Variants in PTPRN2 observed in about 807,000 individuals in gnomAD.
PTPRN2 encodes the protein protein tyrosine phosphatase receptor type N2.
A neutral mutation model predicts 118.8 loss-of-function variants in PTPRN2; 74 were observed. That is an observed-to-expected ratio of 0.62 (90% CI 0.52 to 0.76). The LOEUF is 0.76. Ranked by LOEUF, PTPRN2 falls within the 30% of genes least tolerant of loss-of-function variation. The pLI is 0.00. For synonymous variants in PTPRN2, 641 were observed against 608.0 expected (o/e 1.05, Z -0.80); for missense variants, 1,481 against 1,394.4 (o/e 1.06, Z -0.99).
chr7:158,563,290 T>C lies in PTPRN2; in HGVS notation c.112+24268A>G, dbSNP rs1827494839. On this transcript the variant is annotated intron_variant, in intron 1 of 22. Transcript: ENST00000389418. This position sits in a 1 kb window ranked among gnomAD's most constrained non-coding sequence, Gnocchi z 5.1. Reference sequence around the variant, plus strand: ...TTGCTGACCGATCCCCAGCATCAACTTCGCCAATAGCCTTGTGCTTCTCGT... The same window carrying C: ...TTGCTGACCGATCCCCAGCATCAACCTCGCCAATAGCCTTGTGCTTCTCGT... Among the ~76,000 whole-genome samples the C allele has an allele frequency of 6.6e-6, 1 of 152,180 alleles. No individual in the cohort carries two copies. Among genetic ancestry groups the C allele is most frequent in the African/African-American group, 2.4e-5 (1 of 41,450 alleles).
At chr7:157,711,523 G>A (rs1040246226) in intron 12 of PTPRN2, among the ~76,000 whole-genome samples, 3 of 152,216 alleles carry the variant, frequency 2.0e-5, no homozygotes, top group East Asian at 1.9e-4. Flanking sequence ...CCTTCACCAC[G>A]TGGGAGGCTG....
chr7:158,089,667 A>T (rs367938526), intron 10 of PTPRN2, among the ~76,000 whole-genome samples: 24 of 138,450 alleles, frequency 1.7e-4, no homozygotes, highest in Admixed American at 2.8e-4. Context: ...GGGAGTCTTC[A>T]CACAAACCTT....
chr7:157,881,194 G>T lies in PTPRN2; in HGVS notation c.1788+17479C>A, dbSNP rs149971722. ...TCATTACGGTAAAATGAGGTCATGA[G>T]GGTATGTGGAGATGGGGGTGTTTAC... On this transcript the variant is annotated intron_variant, in intron 12 of 22. Coordinates refer to ENST00000389418, the MANE Select transcript of PTPRN2 (RefSeq NM_002847.5). This position sits in a 1 kb window ranked among gnomAD's most constrained non-coding sequence, Gnocchi z 4.7. Among the ~76,000 whole-genome samples, 658 of 145,880 alleles carry T rather than the reference G, an allele frequency of 4.5e-3. 10 individuals carry two copies. Among genetic ancestry groups the T allele is most frequent in the African/African-American group, 0.014 (525 of 37,534 alleles).
chr7:158,097,388 G>A (rs1165158420), intron 10 of PTPRN2, among the ~76,000 whole-genome samples: 1 of 152,170 alleles, frequency 6.6e-6, no homozygotes, highest in East Asian at 1.9e-4. Flanking sequence ...TAATAACACC[G>A]TATTCATCAA....
At chr7:158,455,661 C>T (rs75187168) in intron 2 of PTPRN2, among the ~76,000 whole-genome samples, 4 of 96,828 alleles carry the variant, frequency 4.1e-5, no homozygotes, top group South Asian at 5.1e-4. Context: ...GACAACGGCA[C>T]GGACGCCATC....
intron 12 of PTPRN2, among the ~76,000 whole-genome samples, chr7:157,817,085 T>C (rs1806456157): frequency 6.6e-6 from 1 of 152,010 alleles, no homozygotes. Flanking sequence ...GCACCGGGGG[T>C]GTCGGCATGG....
intron 3 of PTPRN2, among the ~76,000 whole-genome samples, chr7:158,304,224 C>T (rs559499995): frequency 6.7e-6 from 1 of 148,912 alleles, no homozygotes; most frequent in African/African-American, 2.5e-5. Context: ...ATAAGACGTA[C>T]ACAGGCTTGG....
At chr7:158,260,483 G>A (rs760169322) in intron 3 of PTPRN2, among the ~76,000 whole-genome samples, 2 of 152,150 alleles carry the variant, frequency 1.3e-5, no homozygotes, top group Admixed American at 6.5e-5. Context: ...AACCGGATAC[G>A]ACTTCTTCAG....
At chr7:158,489,692 A>T in intron 2 of PTPRN2, 43 bp downstream of exon 2, 1 of 1,542,500 alleles carries the variant, frequency 6.5e-7, no homozygotes. Flanking sequence ...GGCGGGCAGG[A>T]GAGGGGCAGA....
intron 15 of PTPRN2, among the ~76,000 whole-genome samples, chr7:157,612,279 T>A (rs1449130464): frequency 1.3e-5 from 2 of 152,050 alleles, no homozygotes; most frequent in Non-Finnish European, 2.9e-5. Flanking sequence ...TAGAACAGTT[T>A]GCTGTAACAG....
chr7:157,998,051 G>GGAGAGGAGTGCAGGGTGGGGA (rs1804908834), intron 11 of PTPRN2, among the ~76,000 whole-genome samples: 3 of 106,812 alleles, frequency 2.8e-5, no homozygotes, highest in Non-Finnish European at 6.0e-5. Flanking sequence ...CAGGGTGGGG[G>GGAGAGGAGTGCAGGGTGGGGA]GAGAGGAGTG....
rs180955422 is a variant in PTPRN2, at chr7:157,749,619, C to T, written c.1789-66682G>A. ...GCTGTGGGGTGTCTGAGTGATTCTG[C>T]GGCCTGTGTCTCTGAGCTGTGGGGT... On this transcript the variant is annotated intron_variant, in intron 12 of 22. Coordinates refer to ENST00000389418, the MANE Select transcript of PTPRN2 (RefSeq NM_002847.5). Among the ~76,000 whole-genome samples, 287 of 76,796 alleles carry T rather than the reference C, an allele frequency of 3.7e-3. 23 individuals are homozygous for T. Among genetic ancestry groups the T allele is most frequent in the African/African-American group, 0.014 (262 of 18,364 alleles). 50.4% of individuals were successfully genotyped at this position (76,796 alleles called of 152,430 possible). A position where few individuals can be genotyped will look rare whatever the true frequency, so the allele number is the denominator to read the frequency against.
At chr7:158,398,834 TTCC>T (rs1812725775) in intron 2 of PTPRN2, among the ~76,000 whole-genome samples, 1 of 152,238 alleles carries the variant, frequency 6.6e-6, no homozygotes, top group East Asian at 1.9e-4. Flanking sequence ...ACATCACTGT[TTCC>T]AAGCTTACTT....
chr7:158,179,782 C>T (rs1355157238), intron 5 of PTPRN2, among the ~76,000 whole-genome samples: 1 of 152,186 alleles, frequency 6.6e-6, no homozygotes, highest in Non-Finnish European at 1.5e-5. Flanking sequence ...CCATAAGTCT[C>T]ACCCACCAAT....
intron 12 of PTPRN2, among the ~76,000 whole-genome samples, chr7:157,887,467 C>CATTA (rs1796525175): frequency 1.1e-5 from 1 of 94,824 alleles, no homozygotes; most frequent in African/African-American, 4.2e-5. Context: ...GTACCCGCTC[C>CATTA]CCCCATTACC....
chr7:158,116,165 C>T (rs997978499), intron 9 of PTPRN2, among the ~76,000 whole-genome samples: 18 of 152,210 alleles, frequency 1.2e-4, no homozygotes, highest in South Asian at 8.3e-4. Flanking sequence ...TGAATGAACA[C>T]GAGAATGTCA....
At chr7:157,722,039 G>A (rs1391335074) in intron 12 of PTPRN2, among the ~76,000 whole-genome samples, 1 of 151,912 alleles carries the variant, frequency 6.6e-6, no homozygotes, top group Non-Finnish European at 1.5e-5. Context: ...CCCCACCCCC[G>A]GAGCAGCCAC....
Position 158,145,414 on chromosome 7 carries a change from G to C in PTPRN2, c.911-6899C>G, listed in dbSNP as rs140184821. Among the ~76,000 whole-genome samples, 18 of 152,380 alleles carry C rather than the reference G, an allele frequency of 1.2e-4. 1 individual carries two copies. In the East Asian group the frequency reaches 2.3e-3, roughly 20 times the overall value. On this transcript the variant is annotated intron_variant, in intron 6 of 22. Transcript: ENST00000389418. ...GCAGTGCCCGGTACAGCGTGGTACA[G>C]TGAGCGCCACACTCAACCATATGAA...
chr7:157,964,470 A>G lies in PTPRN2; in HGVS notation c.1724-65733T>C, dbSNP rs1229528256. On this transcript the variant is annotated intron_variant, in intron 11 of 22. Transcript: ENST00000389418. The surrounding 1 kb of genome is among the most constrained non-coding windows in gnomAD (Gnocchi z 9.0). ...AAAAATCACCTGAATGAGTCAAGAC[A>G]GTTAAACTTGAGGGTGATTTGGGAA... is the stretch of plus-strand genomic sequence containing the variant. Among the ~76,000 whole-genome samples the G allele has an allele frequency of 2.6e-5, 4 of 152,088 alleles. No homozygotes were observed. The highest frequency in any genetic ancestry group is 1.9e-4 in the East Asian group (1 of 5,184).
Sources: allele counts gnomAD v4.1 joint callset (sites outside exome capture counted in the v4.1 genomes callset), GRCh38; gene constraint gnomAD v4.1.1; non-coding constraint Gnocchi (gnomAD v3.1); transcripts MANE v1.5; gene names NCBI Gene and HGNC (gene_info 2026-07-23, HGNC 2026-07-21).